POLQ: variants seen among roughly 807,000 people sequenced by gnomAD.
POLQ encodes epididymis secretory sperm binding protein.
In POLQ, 233 loss-of-function variants were observed where a neutral mutation model predicts 259.2. The ratio of observed to expected loss-of-function variants is 0.90; its 90% CI spans 0.81 to 1.00. POLQ has a LOEUF of 1.00. Among genes scored for constraint, POLQ ranks in the 50% least tolerant of loss-of-function variants. The pLI is 0.00. For missense variants in POLQ, 2,871 were observed against 3,051.6 expected, an observed-to-expected ratio of 0.94 and a Z score of 1.39; for synonymous variants, 1,025 against 1,048.8, an observed-to-expected ratio of 0.98 and a Z score of 0.44.
chr3:121,437,575 G>A (rs1049232475), intron 27 of POLQ, among the ~76,000 whole-genome samples: 1 of 152,122 alleles, frequency 6.6e-6, no homozygotes, highest in Non-Finnish European at 1.5e-5. Context: ...GAGCAGTGAG[G>A]ACTCACATAC....
intron 22 of POLQ, among the ~76,000 whole-genome samples, chr3:121,469,526 G>A (rs1345281955): frequency 5.9e-5 from 9 of 152,088 alleles, no homozygotes; most frequent in Admixed American, 2.6e-4. Context: ...CAAAATAAGT[G>A]CTCAGTTAAT....
At chr3:121,455,584 C>T (rs866692010) in intron 25 of POLQ, among the ~76,000 whole-genome samples, 1 of 151,486 alleles carries the variant, frequency 6.6e-6, no homozygotes, top group African/African-American at 2.4e-5. Context: ...TACAAACTAC[C>T]ATCAGAGAAT....
intron 16 of POLQ, among the ~76,000 whole-genome samples, chr3:121,486,758 G>A (rs914904811): frequency 6.6e-6 from 1 of 151,954 alleles, no homozygotes; most frequent in Non-Finnish European, 1.5e-5. Flanking sequence ...AGCTACTTGG[G>A]AGGCTGAGGC....
At position 121,545,960 on chromosome 3, in the gene POLQ, C is replaced by A. The variant is rs1239687638; in HGVS notation, c.-83G>T. On this transcript the variant is annotated 5_prime_UTR_variant, in exon 1 of 30. Transcript: ENST00000264233. ...GAGAACCCTGGCCTGGCAACAGCTG[C>A]GGACATCTTCCCGCCAGTCTTCAAA... The A allele has an allele frequency of 2.0e-6, 3 of 1,477,066 alleles. No individual in the cohort carries two copies. The highest frequency in any genetic ancestry group is 1.2e-5 in the South Asian group (1 of 84,044). The allele number at this position is 1,477,066 out of a possible 1,614,324, so 91.5% of individuals were successfully genotyped here. A position where few individuals can be genotyped will look rare whatever the true frequency, so the allele number is the denominator to read the frequency against.
At chr3:121,448,649 G>A (rs1576399878) in intron 26 of POLQ, among the ~76,000 whole-genome samples, 2 of 152,236 alleles carry the variant, frequency 1.3e-5, no homozygotes, top group East Asian at 3.9e-4. Flanking sequence ...ACAGACGTGA[G>A]CCACCATGCC....
intron 14 of POLQ, chr3:121,494,474 G>A (rs1381410160): frequency 2.7e-6 from 4 of 1,480,826 alleles, no homozygotes; most frequent in Non-Finnish European, 3.7e-6. Flanking sequence ...GAAGAAAGCT[G>A]CTGGCAGAGG....
chr3:121,452,883 C>T (rs1360069705), intron 25 of POLQ, among the ~76,000 whole-genome samples: 5 of 152,318 alleles, frequency 3.3e-5, no homozygotes, highest in Admixed American at 6.5e-5. Flanking sequence ...TTGAAGAGAG[C>T]AGTGGTTCTC....
At chr3:121,442,429 C>G (rs991847219) in intron 26 of POLQ, among the ~76,000 whole-genome samples, 6 of 152,042 alleles carry the variant, frequency 3.9e-5, no homozygotes, top group African/African-American at 1.4e-4. Context: ...TTAACAATAC[C>G]CCCTACCCCC....
intron 26 of POLQ, among the ~76,000 whole-genome samples, chr3:121,445,680 T>C (rs1213963354): frequency 3.3e-5 from 5 of 152,076 alleles, no homozygotes; most frequent in Non-Finnish European, 5.9e-5. Flanking sequence ...CTGGCCAACA[T>C]GGCAAAACTC....
At chr3:121,437,333 G>T (rs1197577630) in intron 27 of POLQ, among the ~76,000 whole-genome samples, 6 of 152,038 alleles carry the variant, frequency 3.9e-5, no homozygotes, top group African/African-American at 1.4e-4. Context: ...CCTACAAATT[G>T]ATAAGAAAAA....
chr3:121,469,165 G>A (rs896604448), intron 22 of POLQ, among the ~76,000 whole-genome samples: 1 of 133,912 alleles, frequency 7.5e-6, no homozygotes, highest in Non-Finnish European at 1.5e-5. Flanking sequence ...TCCAGCCTGG[G>A]CAACAGAGTG....
At chr3:121,471,942 C>G (rs374777993) in intron 22 of POLQ, 48 bp downstream of exon 22, 1 of 1,103,124 alleles carries the variant, frequency 9.1e-7, no homozygotes, top group Non-Finnish European at 1.2e-6. Context: ...TATGAAAATG[C>G]TTTTCCTTCA....
chr3:121,491,980 T>G (rs1439694608), intron 15 of POLQ, among the ~76,000 whole-genome samples: 1 of 152,166 alleles, frequency 6.6e-6, no homozygotes, highest in African/African-American at 2.4e-5. Flanking sequence ...CTTATGAGAA[T>G]CTAATTGTTT....
intron 5 of POLQ, 39 bp downstream of exon 5, chr3:121,537,061 G>A (rs1364709256): frequency 2.1e-6 from 2 of 951,578 alleles, no homozygotes; most frequent in Admixed American, 1.7e-5. Flanking sequence ...CCTCAACATT[G>A]TTTGAAATCT....
rs2048038221 is a variant in POLQ, at chr3:121,488,898, T to C, written c.4033A>G (p.Lys1345Glu). 1.2e-6 allele frequency: 2 copies of C among 1,614,174 alleles called. No homozygotes were observed. Among genetic ancestry groups the C allele is most frequent in the Non-Finnish European group, 1.7e-6 (2 of 1,180,014 alleles). ...ATCCCTGCTGCCAGGTTGGTGTCCTTTGCTCCTAGTTTGGCATTTTCAGTT... is the reference window on the plus strand; with the variant it reads ...ATCCCTGCTGCCAGGTTGGTGTCCTCTGCTCCTAGTTTGGCATTTTCAGTT... The part of the protein sequence containing the change: ...MATENAKLGA[K>E]DTNLAAGIMQ... The change falls in exon 16 of 30, where the codon AAG (lysine) becomes GAG (glutamate). Residue 1345 changes from lysine to glutamate, a missense_variant. This residue lies in a region of POLQ where 2,080 missense variants were observed against 2,126.0 expected (regional missense o/e 0.98). Transcript: ENST00000264233.
intron 24 of POLQ, among the ~76,000 whole-genome samples, chr3:121,461,744 A>G (rs535899603): frequency 4.3e-4 from 65 of 152,298 alleles, no homozygotes; most frequent in Admixed American, 2.9e-3. Flanking sequence ...TAAAAATAGG[A>G]AAAGATTATA....
chr3:121,444,696 G>A (rs2047618800), intron 26 of POLQ, among the ~76,000 whole-genome samples: 1 of 152,070 alleles, frequency 6.6e-6, no homozygotes, highest in African/African-American at 2.4e-5. Context: ...AGAGAAAAAG[G>A]CTTTCACTTT....
rs1560100148 is a variant in POLQ, at chr3:121,496,908, T to C, written c.2178A>G (p.Leu726=). 1 of 1,612,324 alleles carries C rather than the reference T, an allele frequency of 6.2e-7. No individual in the cohort carries two copies. ...HKRFFTSLVL[L]DLISEVPLRE... ...TTAAGGGAACTTCACTGATTAAATC[T>C]AATAGCACAAGACTGGTGAAAAACC... The change falls in exon 14 of 30, where the codon TTA becomes TTG. Residue 726 remains leucine (L), a synonymous_variant. Coordinates refer to ENST00000264233, the MANE Select transcript of POLQ (RefSeq NM_199420.4).
intron 5 of POLQ, among the ~76,000 whole-genome samples, chr3:121,535,514 G>A (rs889674699): frequency 3.3e-5 from 5 of 151,808 alleles, no homozygotes; most frequent in African/African-American, 1.2e-4. Context: ...TCAGGCATTC[G>A]AGACCAGCCT....
Sources: gnomAD v4.1 joint callset for allele counts (sites outside exome capture counted in the v4.1 genomes callset) on GRCh38, gnomAD v4.1.1 for gene constraint, gnomAD v4.1.1 regional missense constraint, MANE v1.5 for transcripts, NCBI Gene and HGNC (gene_info 2026-07-23, HGNC 2026-07-21) for gene names.